Variants in NAALADL2 observed in about 807,000 individuals in gnomAD.
NAALADL2 encodes the protein N-acetylated alpha-linked acidic dipeptidase like 2.
Under a neutral mutation model 87.2 loss-of-function variants are expected in NAALADL2, and 76 were observed. That is an observed-to-expected ratio of 0.87 (90% CI 0.72 to 1.05). The LOEUF (loss-of-function observed/expected upper bound fraction) is 1.05. Ranked by LOEUF, NAALADL2 falls within the 50% of genes least tolerant of loss-of-function variation. The pLI is 0.00. For missense variants in NAALADL2, 1,089 were observed against 945.8 expected (o/e 1.15, Z -1.99); for synonymous variants, 354 against 331.0 (o/e 1.07, Z -0.75).
At chr3:174,563,365 G>T (rs911147217) in intron 2 of NAALADL2, among the ~76,000 whole-genome samples, 5 of 151,074 alleles carry the variant, frequency 3.3e-5, no homozygotes, top group Admixed American at 6.6e-5. Flanking sequence ...TGAACTCTTA[G>T]AAATTTTATG....
At chr3:175,469,009 T>C (rs1724502239) in intron 8 of NAALADL2, among the ~76,000 whole-genome samples, 1 of 152,048 alleles carries the variant, frequency 6.6e-6, no homozygotes, top group African/African-American at 2.4e-5. Flanking sequence ...GAAAAAAATT[T>C]TGTTAATAAG....
intron 9 of NAALADL2, among the ~76,000 whole-genome samples, chr3:175,514,588 T>C (rs1055983482): frequency 4.6e-5 from 7 of 152,132 alleles, no homozygotes; most frequent in African/African-American, 1.7e-4. Flanking sequence ...TCTCTTCCGG[T>C]TGGAATGCAC....
At chr3:174,841,850 G>C (rs770798865) in intron 3 of NAALADL2, among the ~76,000 whole-genome samples, 6 of 152,170 alleles carry the variant, frequency 3.9e-5, no homozygotes, top group East Asian at 1.9e-4. Flanking sequence ...TTCTATGCTT[G>C]CATCAGGCAG....
chr3:174,612,362 C>G (rs1452192970), intron 2 of NAALADL2, among the ~76,000 whole-genome samples: 1 of 152,102 alleles, frequency 6.6e-6, no homozygotes, highest in African/African-American at 2.4e-5. Flanking sequence ...GTTATTATCC[C>G]TTTGAATAAA....
chr3:175,464,892 G>A (rs771964815), intron 7 of NAALADL2, among the ~76,000 whole-genome samples: 3 of 152,034 alleles, frequency 2.0e-5, no homozygotes, highest in Admixed American at 2.0e-4. Flanking sequence ...TGAAGCACTA[G>A]AATATTTATT....
intron 1 of NAALADL2, among the ~76,000 whole-genome samples, chr3:174,530,837 G>C (rs1721176870): frequency 1.3e-5 from 2 of 152,138 alleles, no homozygotes; most frequent in Admixed American, 1.3e-4. Context: ...TGACAAAGGA[G>C]ACTCCATCTC....
intron 11 of NAALADL2, among the ~76,000 whole-genome samples, chr3:175,714,871 A>G (rs1011927256): frequency 1.3e-5 from 2 of 152,170 alleles, no homozygotes; most frequent in Non-Finnish European, 2.9e-5. Flanking sequence ...CACCTTATAC[A>G]GAAATTAACT....
At chr3:174,832,753 A>G (rs1316656112) in intron 3 of NAALADL2, among the ~76,000 whole-genome samples, 1 of 152,182 alleles carries the variant, frequency 6.6e-6, no homozygotes, top group South Asian at 2.1e-4. Context: ...GGCGTGAGCC[A>G]CTGCACCTGG....
At chr3:174,452,888 A>T (rs1490802811) in intron 1 of NAALADL2, among the ~76,000 whole-genome samples, 2 of 152,202 alleles carry the variant, frequency 1.3e-5, no homozygotes, top group East Asian at 3.8e-4. Flanking sequence ...TCTTTTCTCC[A>T]TATGATCACA....
At chr3:175,150,053 A>T (rs1731318335) in intron 2 of NAALADL2, among the ~76,000 whole-genome samples, 1 of 152,182 alleles carries the variant, frequency 6.6e-6, no homozygotes, top group Non-Finnish European at 1.5e-5. Context: ...TATTAGAAAG[A>T]GGCAATCATT....
intron 2 of NAALADL2, among the ~76,000 whole-genome samples, chr3:174,664,418 G>A (rs1005305959): frequency 6.6e-6 from 1 of 152,152 alleles, no homozygotes; most frequent in East Asian, 1.9e-4. Context: ...CATGAACTAT[G>A]AGAATCTTTT....
chr3:174,575,121 G>A (rs910454467), intron 2 of NAALADL2, among the ~76,000 whole-genome samples: 8 of 151,790 alleles, frequency 5.3e-5, no homozygotes, highest in Non-Finnish European at 1.0e-4. Context: ...TACCATTTTG[G>A]TTAATTTTTT....
At chr3:175,112,693 T>C (rs1724403183) in intron 2 of NAALADL2, 1 of 151,720 alleles carries the variant, frequency 6.6e-6, no homozygotes, top group Non-Finnish European at 1.5e-5. Context: ...GAATGCCTAC[T>C]CTGTACATGG....
At chr3:175,497,921 A>C (rs1338188614) in intron 9 of NAALADL2, among the ~76,000 whole-genome samples, 1 of 152,162 alleles carries the variant, frequency 6.6e-6, no homozygotes, top group East Asian at 1.9e-4. Context: ...AGCACTTGAT[A>C]TAGTGCCTCT....
chr3:174,857,324 CA>C (rs1305424523), upstream of NAALADL2, among the ~76,000 whole-genome samples: 2 of 152,246 alleles, frequency 1.3e-5, no homozygotes, highest in African/African-American at 4.8e-5. Context: ...TCTACTCAAT[CA>C]GTATTTATGT....
At chr3:175,386,218 A>T (rs1768359984) in intron 5 of NAALADL2, among the ~76,000 whole-genome samples, 1 of 123,718 alleles carries the variant, frequency 8.1e-6, no homozygotes, top group Non-Finnish European at 1.7e-5. Context: ...TTTGGTTGAT[A>T]GATCATCTTT....
intron 2 of NAALADL2, among the ~76,000 whole-genome samples, chr3:174,684,507 A>G (rs1264430870): frequency 3.3e-5 from 5 of 152,112 alleles, no homozygotes; most frequent in African/African-American, 9.7e-5. Flanking sequence ...AATATAATTG[A>G]CTTTCTTTAA....
chr3:174,611,008 C>A (rs368542278), intron 2 of NAALADL2, among the ~76,000 whole-genome samples: 1 of 152,210 alleles, frequency 6.6e-6, no homozygotes, highest in African/African-American at 2.4e-5. Flanking sequence ...AGTTCATGTC[C>A]TTTGTAGGGA....
chr3:174,682,771 G>T (rs1727670701), intron 2 of NAALADL2, among the ~76,000 whole-genome samples: 2 of 152,262 alleles, frequency 1.3e-5, no homozygotes, highest in African/African-American at 4.8e-5. Context: ...TACCTGGAAA[G>T]CCTTCCCAAA....
Sources: allele counts gnomAD v4.1 joint callset (sites outside exome capture counted in the v4.1 genomes callset), GRCh38; gene constraint gnomAD v4.1.1; transcripts MANE v1.5; gene names NCBI Gene and HGNC (gene_info 2026-07-23, HGNC 2026-07-21).